The following COMMD10 variants were observed in gnomAD, a reference collection of about 807,000 sequenced individuals.
COMMD10 encodes COMM domain-containing protein 10.
COMMD10 carries 33 observed loss-of-function variants against 28.9 expected under a neutral mutation model. That is an observed-to-expected ratio of 1.14 (90% confidence interval 0.87 to 1.53). The LOEUF (loss-of-function observed/expected upper bound fraction) is 1.53. Among genes scored for constraint, COMMD10 ranks in the 40% most tolerant of loss-of-function variants. The pLI is 0.00. For missense variants in COMMD10, 310 were observed against 233.4 expected (o/e 1.33, Z -2.14); for synonymous variants, 110 against 81.7 (o/e 1.35, Z -1.87).
At chr5:116,214,212 T>G (rs1415863261) in intron 5 of COMMD10, among the ~76,000 whole-genome samples, 2 of 152,152 alleles carry the variant, frequency 1.3e-5, no homozygotes, top group Non-Finnish European at 2.9e-5. Context: ...ACCATAAAGT[T>G]GTAAATGAAC....
chr5:116,209,214 T>C (rs1748897022), intron 5 of COMMD10, among the ~76,000 whole-genome samples: 1 of 152,172 alleles, frequency 6.6e-6, no homozygotes, highest in Non-Finnish European at 1.5e-5. Flanking sequence ...GAAATTTTAA[T>C]TTTAGTTTTG....
intron 4 of COMMD10, among the ~76,000 whole-genome samples, chr5:116,097,188 T>C (rs1750495467): frequency 6.6e-6 from 1 of 152,220 alleles, no homozygotes; most frequent in Non-Finnish European, 1.5e-5. Context: ...TGGAATGATC[T>C]GATTAATTGT....
chr5:116,152,450 A>G (rs1752561223), intron 5 of COMMD10, among the ~76,000 whole-genome samples: 1 of 152,064 alleles, frequency 6.6e-6, no homozygotes, highest in African/African-American at 2.4e-5. Context: ...TAGATAAAAA[A>G]TCTGGCTACT....
chr5:116,089,157 CTG>C (rs1750217007), intron 2 of COMMD10, among the ~76,000 whole-genome samples: 1 of 152,152 alleles, frequency 6.6e-6, no homozygotes, highest in Admixed American at 6.5e-5. Context: ...TTGTTTTTGA[CTG>C]TTGTGGTGCT....
chr5:116,288,787 T>TTC (rs1751285782), intron 5 of COMMD10, among the ~76,000 whole-genome samples: 1 of 151,688 alleles, frequency 6.6e-6, no homozygotes, highest in African/African-American at 2.4e-5. Context: ...TTGGTTCTTT[T>TTC]TTATAGTTTC....
At chr5:116,284,113 C>T (rs558628455) in intron 5 of COMMD10, among the ~76,000 whole-genome samples, 40 of 151,918 alleles carry the variant, frequency 2.6e-4, no homozygotes, top group African/African-American at 9.2e-4. Flanking sequence ...GCCTGGGCAA[C>T]AGAGCAAGAC....
At chr5:116,158,831 C>A (rs1279207396) in intron 5 of COMMD10, among the ~76,000 whole-genome samples, 1 of 147,802 alleles carries the variant, frequency 6.8e-6, no homozygotes, top group Non-Finnish European at 1.5e-5. Context: ...TATGTAATGT[C>A]ATTTGCCTTG....
At chr5:116,158,851 G>GTTTT (rs373892846) in intron 5 of COMMD10, among the ~76,000 whole-genome samples, 3 of 144,916 alleles carry the variant, frequency 2.1e-5, no homozygotes, top group African/African-American at 7.6e-5. Flanking sequence ...GCAAACAGTT[G>GTTTT]TTTTTTTTTT....
intron 5 of COMMD10, among the ~76,000 whole-genome samples, chr5:116,283,437 C>T (rs866466547): frequency 3.3e-5 from 5 of 151,590 alleles, no homozygotes; most frequent in African/African-American, 4.9e-5. Flanking sequence ...ACCTCCACCT[C>T]CCGGGTTCAA....
chr5:116,150,537 C>T (rs1410413156), intron 5 of COMMD10, among the ~76,000 whole-genome samples: 10 of 143,864 alleles, frequency 7.0e-5, no homozygotes, highest in African/African-American at 2.2e-4. Context: ...TTTCGTTGAG[C>T]AGTGGTTTGT....
At chr5:116,088,101 G>T (rs1750169411) in intron 2 of COMMD10, among the ~76,000 whole-genome samples, 1 of 151,944 alleles carries the variant, frequency 6.6e-6, no homozygotes, top group South Asian at 2.1e-4. Context: ...TCTCTACCTG[G>T]CCCAATCCAA....
At chr5:116,247,953 T>C (rs1749996852) in intron 5 of COMMD10, among the ~76,000 whole-genome samples, 1 of 151,422 alleles carries the variant, frequency 6.6e-6, no homozygotes, top group Non-Finnish European at 1.5e-5. Context: ...CATGTACCCC[T>C]GAACTTAAAA....
At chr5:116,272,639 T>C (rs565106117) in intron 5 of COMMD10, among the ~76,000 whole-genome samples, 5 of 151,984 alleles carry the variant, frequency 3.3e-5, no homozygotes, top group Admixed American at 6.6e-5. Flanking sequence ...AATGCCATAT[T>C]ACATATCCTG....
At chr5:116,271,620 C>T (rs969634646) in intron 5 of COMMD10, among the ~76,000 whole-genome samples, 3 of 151,636 alleles carry the variant, frequency 2.0e-5, no homozygotes, top group African/African-American at 2.4e-5. Context: ...AGGCATTAGT[C>T]ATCTGTGCTG....
chr5:116,148,610 A>G (rs1026200521), intron 5 of COMMD10, among the ~76,000 whole-genome samples: 1 of 151,890 alleles, frequency 6.6e-6, no homozygotes, highest in Non-Finnish European at 1.5e-5. Context: ...TCTAGCCGAA[A>G]GGGATCTTAA....
In COMMD10 at chr5:116,292,599, A is replaced by G. The variant is rs1751397854; in HGVS notation, c.*110A>G. On this transcript the variant is annotated 3_prime_UTR_variant, in exon 7 of 7. Transcript: ENST00000274458. Reference sequence around the variant, plus strand: ...AAGGATTCAGTGACTTGCTTTCTGTAAATTATATGGCTTATCACTTCTTAG... The same window carrying G: ...AAGGATTCAGTGACTTGCTTTCTGTGAATTATATGGCTTATCACTTCTTAG... 1.1e-5 allele frequency: 9 copies of G among 804,090 alleles called. No homozygotes were observed. Among genetic ancestry groups the G allele is most frequent in the Non-Finnish European group, 1.8e-5 (9 of 507,060 alleles). 49.8% of individuals were successfully genotyped at this position (804,090 alleles called of 1,614,324 possible).
chr5:116,120,749 C>CT lies in COMMD10; in HGVS notation c.400-13306dup, dbSNP rs34397720. ...GATCATTTTGTTACTTGTATTAGTA[C>CT]TTTTTTTTTTTTTATTACAGAGTAG... On this transcript the variant is annotated intron_variant, in intron 4 of 6. Transcript: ENST00000274458. Among the ~76,000 whole-genome samples the CT allele has an allele frequency of 2.3e-3, 342 of 146,786 alleles. 1 individual carries two copies. The highest frequency in any genetic ancestry group is 7.4e-3 in the African/African-American group (297 of 39,982).
At chr5:116,163,658 G>T (rs1311736200) in intron 5 of COMMD10, among the ~76,000 whole-genome samples, 2 of 152,040 alleles carry the variant, frequency 1.3e-5, no homozygotes, top group Non-Finnish European at 2.9e-5. Flanking sequence ...ATGATTTTGT[G>T]AATAGTTTAT....
At chr5:116,199,925 A>C (rs1748620934) in intron 5 of COMMD10, among the ~76,000 whole-genome samples, 1 of 152,032 alleles carries the variant, frequency 6.6e-6, no homozygotes, top group Non-Finnish European at 1.5e-5. Context: ...ACAGAATTTT[A>C]GGTTGTTGGG....
Sources: allele counts gnomAD v4.1 joint callset (sites outside exome capture counted in the v4.1 genomes callset), GRCh38; gene constraint gnomAD v4.1.1; transcripts MANE v1.5; gene names NCBI Gene and HGNC (gene_info 2026-07-23, HGNC 2026-07-21).